Variants in HTR6 observed in about 807,000 individuals in gnomAD.
HTR6 encodes 5-hydroxytryptamine (serotonin) receptor 6, G protein-coupled.
HTR6 carries 15 observed loss-of-function variants against 17.4 expected under a neutral mutation model. That is an observed-to-expected ratio of 0.86 (90% CI 0.58 to 1.33). The LOEUF (loss-of-function observed/expected upper bound fraction) is 1.33, where lower values mean the gene tolerates loss of function less well. HTR6 is among the 40% of genes most tolerant of loss of function. The pLI is 0.00. For synonymous variants in HTR6, 326 were observed against 295.5 expected, an observed-to-expected ratio of 1.10 and a Z score of -1.06; for missense variants, 578 against 616.0, an observed-to-expected ratio of 0.94 and a Z score of 0.65.
chr1:19,668,202 G>A (rs1382689687), intron 1 of HTR6, among the ~76,000 whole-genome samples: 1 of 152,174 alleles, frequency 6.6e-6, no homozygotes, highest in African/African-American at 2.4e-5. Context: ...CTTCAGGGGT[G>A]GGATGGCTGC....
intron 1 of HTR6, among the ~76,000 whole-genome samples, chr1:19,667,370 G>A (rs1186112157): frequency 2.0e-5 from 3 of 152,080 alleles, no homozygotes; most frequent in African/African-American, 4.8e-5. Flanking sequence ...TAAGCTCCAG[G>A]AGGGTCACAC....
chr1:19,666,037 C>A lies in HTR6; in HGVS notation c.284C>A (p.Ala95Glu). The A allele has an allele frequency of 2.5e-6, 4 of 1,613,522 alleles. No homozygotes were observed. Among genetic ancestry groups the A allele is most frequent in the Non-Finnish European group, 3.4e-6 (4 of 1,179,850 alleles). ...GCGCTGTACGGGCGCTGGGTGCTGG[C>A]GCGCGGCCTCTGCCTGCTCTGGACC... is the stretch of plus-strand genomic sequence containing the variant. Reference protein sequence around the residue: ...LNALYGRWVLARGLCLLWTAF... With the variant: ...LNALYGRWVLERGLCLLWTAF... The change falls in exon 1 of 3, where the codon GCG (alanine) becomes GAG (glutamate). Residue 95 changes from alanine to glutamate, a missense_variant. Physicochemically the swap from Ala to Glu is moderately radical, Grantham distance 107 (BLOSUM62 -1). Coordinates refer to ENST00000289753, the MANE Select transcript of HTR6 (RefSeq NM_000871.3). This position sits in a 1 kb window ranked among gnomAD's most constrained non-coding sequence, Gnocchi z 4.5.
At position 19,678,562 on chromosome 1, in the gene HTR6, C is replaced by T. The variant is rs111809215; in HGVS notation, c.715-5C>T. 67 of 1,612,276 alleles carry T rather than the reference C, an allele frequency of 4.2e-5. 2 individuals are homozygous for T. In the African/African-American group the frequency reaches 4.5e-4, roughly 11 times the overall value. ...AACGGACTCATGTGGCCTTCCTTTC[C>T]GCAGGTGCCCAGGACCCCACGCCCA... On this transcript the variant is annotated splice_polypyrimidine_tract_variant and splice_region_variant and intron_variant, in intron 1 of 2. Transcript: ENST00000289753.
chr1:19,669,717 C>G (rs1025446129), intron 1 of HTR6, among the ~76,000 whole-genome samples: 2 of 152,246 alleles, frequency 1.3e-5, no homozygotes, highest in Non-Finnish European at 2.9e-5. Flanking sequence ...GTGACCTCAT[C>G]TTGTCTCGTA....
chr1:19,679,539 T>A lies in HTR6; in HGVS notation c.*171T>A. On this transcript the variant is annotated 3_prime_UTR_variant, in exon 3 of 3. Transcript: ENST00000289753. This position sits in a 1 kb window ranked among gnomAD's most constrained non-coding sequence, Gnocchi z 4.9. ...TGCTGCCATCTCCAGGCCCCTTACC[T>A]GCAGGGATCATAGCTGACTCAGATA... 1.1e-6 allele frequency: 1 copy of A among 914,846 alleles called. No homozygotes were observed. Among genetic ancestry groups the A allele is most frequent in the Non-Finnish European group, 1.6e-6 (1 of 630,142 alleles). The allele number at this position is 914,846 out of a possible 1,614,324, so 56.7% of individuals were successfully genotyped here.
At chr1:19,673,198 A>G (rs2095090361) in intron 1 of HTR6, among the ~76,000 whole-genome samples, 1 of 152,232 alleles carries the variant, frequency 6.6e-6, no homozygotes, top group African/African-American at 2.4e-5. Flanking sequence ...GCACTGTTCT[A>G]ACTTTCAGTG....
chr1:19,679,293 C>T lies in HTR6; in HGVS notation c.1248C>T (p.Ala416=), dbSNP rs367904321. ...CCCCGCTGCCCACCAGGGCCGCTGC[C>T]GCCGTCAATTTCTTCAACATCGACC... ...QDPPLPTRAA[A]AVNFFNIDPA... Residue 416 remains alanine (A), a synonymous_variant, in exon 3 of 3, where the codon GCC becomes GCT. Coordinates refer to ENST00000289753, the MANE Select transcript of HTR6 (RefSeq NM_000871.3). The surrounding 1 kb of genome is among the most constrained non-coding windows in gnomAD (Gnocchi z 4.9). 1.4e-5 allele frequency: 22 copies of T among 1,607,906 alleles called. No homozygotes were observed. Among genetic ancestry groups the T allele is most frequent in the Admixed American group, 1.3e-4 (8 of 59,812 alleles).
Position 19,679,522 on chromosome 1 carries a change from T to C in HTR6, c.*154T>C. 3.2e-5 allele frequency: 36 copies of C among 1,114,376 alleles called. No individual in the cohort carries two copies. The highest frequency in any genetic ancestry group is 4.4e-5 in the Non-Finnish European group (36 of 810,900). The allele number at this position is 1,114,376 out of a possible 1,614,324, so 69.0% of individuals were successfully genotyped here. On this transcript the variant is annotated 3_prime_UTR_variant, in exon 3 of 3. Coordinates refer to ENST00000289753, the MANE Select transcript of HTR6 (RefSeq NM_000871.3). The surrounding 1 kb of genome is among the most constrained non-coding windows in gnomAD (Gnocchi z 4.9). ...GCGCAGAGCTGACCCCCTGCTGCCA[T>C]CTCCAGGCCCCTTACCTGCAGGGAT... is the stretch of plus-strand genomic sequence containing the variant.
intron 1 of HTR6, among the ~76,000 whole-genome samples, chr1:19,671,362 C>T (rs1039296265): frequency 6.6e-6 from 1 of 152,162 alleles, no homozygotes; most frequent in African/African-American, 2.4e-5. Context: ...AGCCCATTCT[C>T]TTGGTTTGAA....
chr1:19,671,846 T>C (rs749543908), intron 1 of HTR6, among the ~76,000 whole-genome samples: 96 of 152,152 alleles, frequency 6.3e-4, no homozygotes, highest in Admixed American at 3.3e-4. Flanking sequence ...GTTGGCTTAG[T>C]GATTTCCACT....
At chr1:19,678,445 C>A in intron 1 of HTR6, 122 bp from the exon 2 acceptor site, 1 of 1,224,174 alleles carries the variant, frequency 8.2e-7, no homozygotes, top group South Asian at 1.3e-5. Flanking sequence ...AGGAACAGGG[C>A]CCAGTTTAAT....
chr1:19,672,945 A>G (rs2095089952), intron 1 of HTR6, among the ~76,000 whole-genome samples: 1 of 152,184 alleles, frequency 6.6e-6, no homozygotes, highest in Non-Finnish European at 1.5e-5. Context: ...AGGTGAGAGG[A>G]TTGCTTGAGC....
At position 19,678,974 on chromosome 1, in the gene HTR6, A is replaced by G. The variant is rs1340649565; in HGVS notation, c.929A>G (p.Tyr310Cys). The G allele has an allele frequency of 6.2e-7, 1 of 1,613,914 alleles. No homozygotes were observed. Among genetic ancestry groups the G allele is most frequent in the African/African-American group, 1.3e-5 (1 of 74,916 alleles). The change falls in exon 3 of 3, where the codon TAC becomes TGC. Residue 310 changes from tyrosine (Y) to cysteine (C), a missense_variant. Physicochemically the swap from Tyr to Cys is radical, Grantham distance 194 (BLOSUM62 -2). Coordinates refer to ENST00000289753, the MANE Select transcript of HTR6 (RefSeq NM_000871.3). ...GLFDVLTWLG[Y>C]CNSTMNPIIY... is the part of the protein sequence containing the mutation. ...TTCGATGTCCTCACATGGCTGGGTT[A>G]CTGTAACAGCACCATGAACCCCATC...
Position 19,666,150 on chromosome 1 carries a change from C to T in HTR6, c.397C>T (p.Arg133Cys), listed in dbSNP as rs1056376597. The T allele has an allele frequency of 1.2e-6, 2 of 1,611,788 alleles. No homozygotes were observed. Among genetic ancestry groups the T allele is most frequent in the African/African-American group, 1.3e-5 (1 of 75,060 alleles). Residue 133 changes from arginine (R) to cysteine (C), a missense_variant, in exon 1 of 3, where the codon CGC (arginine) becomes TGC (cysteine). By Grantham distance (180) the Arg-to-Cys change is radical. Transcript: ENST00000289753. This position sits in a 1 kb window ranked among gnomAD's most constrained non-coding sequence, Gnocchi z 4.5. Reference protein sequence around the residue: ...DRYLLILSPLRYKLRMTPLRA... With the variant: ...DRYLLILSPLCYKLRMTPLRA... ...CTACCTGCTCATCCTCTCGCCGCTG[C>T]GCTACAAGCTGCGCATGACGCCCCT...
At position 19,665,575 on chromosome 1, in the gene HTR6, C is replaced by T. The variant is rs2095080274; in HGVS notation, c.-179C>T. The T allele has an allele frequency of 3.9e-6, 2 of 509,274 alleles. No individual in the cohort carries two copies. The highest frequency in any genetic ancestry group is 3.4e-6 in the Non-Finnish European group (1 of 290,250). 31.5% of individuals were successfully genotyped at this position (509,274 alleles called of 1,614,324 possible). A position where few individuals can be genotyped will look rare whatever the true frequency, so the allele number is the denominator to read the frequency against. Reference sequence around the variant, plus strand: ...ACACTGTGTCCTCCTGTAGTCGCTGCCCCCTGACCTAGCGCGACCCAGCGC... The same window carrying T: ...ACACTGTGTCCTCCTGTAGTCGCTGTCCCCTGACCTAGCGCGACCCAGCGC... On this transcript the variant is annotated 5_prime_UTR_variant, in exon 1 of 3. Transcript: ENST00000289753. The surrounding 1 kb of genome is among the most constrained non-coding windows in gnomAD (Gnocchi z 4.2).
At chr1:19,674,877 GA>G (rs1203945557) in intron 1 of HTR6, among the ~76,000 whole-genome samples, 1 of 152,212 alleles carries the variant, frequency 6.6e-6, no homozygotes, top group East Asian at 1.9e-4. Flanking sequence ...TGTCCTTCAG[GA>G]AGCTGCCCTC....
At chr1:19,674,291 C>T (rs1294161303) in intron 1 of HTR6, among the ~76,000 whole-genome samples, 2 of 151,998 alleles carry the variant, frequency 1.3e-5, no homozygotes, top group Non-Finnish European at 2.9e-5. Context: ...TTGCAACCTG[C>T]TATTATAATT....
chr1:19,669,670 C>A (rs770963777), intron 1 of HTR6, among the ~76,000 whole-genome samples: 1 of 152,204 alleles, frequency 6.6e-6, no homozygotes, highest in Non-Finnish European at 1.5e-5. Context: ...CCTCAGTCCT[C>A]GGAGCATCTC....
At chr1:19,674,917 C>T (rs561198189) in intron 1 of HTR6, among the ~76,000 whole-genome samples, 8 of 152,284 alleles carry the variant, frequency 5.3e-5, no homozygotes, top group South Asian at 2.1e-4. Flanking sequence ...GAGATGCAAA[C>T]GACAGGACAT....
Sources: allele counts gnomAD v4.1 joint callset (sites outside exome capture counted in the v4.1 genomes callset), GRCh38; gene constraint gnomAD v4.1.1; non-coding constraint Gnocchi (gnomAD v3.1); transcripts MANE v1.5; gene names NCBI Gene and HGNC (gene_info 2026-07-23, HGNC 2026-07-21).